The following CEP135 variants were observed in gnomAD, a reference collection of about 807,000 sequenced individuals.
CEP135 encodes centrosomal protein 135.
A neutral mutation model predicts 157.3 loss-of-function variants in CEP135; 142 were observed. That is an observed-to-expected ratio of 0.90 (90% CI 0.79 to 1.04). CEP135 has a LOEUF of 1.04. Among genes scored for constraint, CEP135 ranks in the 50% least tolerant of loss-of-function variants. The pLI is 0.00. For missense variants in CEP135, 1,317 were observed against 1,309.2 expected, an observed-to-expected ratio of 1.01 and a Z score of -0.09; for synonymous variants, 396 against 439.8, an observed-to-expected ratio of 0.90 and a Z score of 1.25.
At chr4:55,951,026 G>T (rs1465327618) in intron 1 of CEP135, among the ~76,000 whole-genome samples, 1 of 152,156 alleles carries the variant, frequency 6.6e-6, no homozygotes, top group East Asian at 1.9e-4. Flanking sequence ...GAGTCATACA[G>T]TATTTGTCTG....
At chr4:55,970,623 C>T (rs1729000737) in intron 9 of CEP135, among the ~76,000 whole-genome samples, 1 of 152,198 alleles carries the variant, frequency 6.6e-6, no homozygotes, top group African/African-American at 2.4e-5. Flanking sequence ...TGTCTCAGAA[C>T]TGTGACCAAG....
chr4:56,031,096 C>CTT (rs1362926723), intron 25 of CEP135, among the ~76,000 whole-genome samples: 1 of 152,004 alleles, frequency 6.6e-6, no homozygotes, highest in African/African-American at 2.4e-5. Context: ...CACGCCACTG[C>CTT]ACTCCAGCCT....
At chr4:55,998,622 T>C (rs1170336656) in intron 15 of CEP135, among the ~76,000 whole-genome samples, 1 of 152,214 alleles carries the variant, frequency 6.6e-6, no homozygotes, top group Non-Finnish European at 1.5e-5. Context: ...CCCAGCACTT[T>C]GGGAGACCGA....
chr4:55,974,873 A>T lies in CEP135; in HGVS notation c.1377A>T (p.Lys459Asn). The change falls in exon 11 of 26, where the codon AAA becomes AAT. Residue 459 changes from lysine (K) to asparagine (N), a missense_variant. Transcript: ENST00000257287. ...AAGAAGAACGAGATTATTATAAGAAAGAGCTAGAGAGACTCCAACATATAA... is the reference window on the plus strand; with the variant it reads ...AAGAAGAACGAGATTATTATAAGAATGAGCTAGAGAGACTCCAACATATAA... ...GIEEERDYYK[K>N]ELERLQHIIQ... 1 of 1,613,900 alleles carries T rather than the reference A, an allele frequency of 6.2e-7. No individual in the cohort carries two copies. The highest frequency in any genetic ancestry group is 8.5e-7 in the Non-Finnish European group (1 of 1,179,864).
At chr4:55,975,051 T>C (rs930927323) in intron 11 of CEP135, 82 bp downstream of exon 11, 38 of 994,826 alleles carry the variant, frequency 3.8e-5, no homozygotes, top group Non-Finnish European at 5.5e-5. Context: ...AAATGTAACT[T>C]TATTCGTACT....
intron 17 of CEP135, among the ~76,000 whole-genome samples, chr4:56,007,941 C>A (rs10017245): frequency 2.0e-5 from 3 of 152,152 alleles, no homozygotes; most frequent in Non-Finnish European, 4.4e-5. Context: ...GACTACACCA[C>A]CATTTTAGAC....
chr4:56,029,373 T>C (rs1397145064), intron 25 of CEP135, among the ~76,000 whole-genome samples: 1 of 152,184 alleles, frequency 6.6e-6, no homozygotes, highest in East Asian at 1.9e-4. Flanking sequence ...TCTCTAATCA[T>C]GCATTGGTCT....
intron 25 of CEP135, among the ~76,000 whole-genome samples, chr4:56,028,034 C>A (rs1052290471): frequency 1.3e-5 from 2 of 152,120 alleles, no homozygotes; most frequent in African/African-American, 4.8e-5. Flanking sequence ...TACATGTGTT[C>A]TTTTGTATCT....
chr4:55,965,458 T>C (rs1032020143), intron 7 of CEP135, 186 bp from the exon 8 acceptor site: 12 of 492,542 alleles, frequency 2.4e-5, no homozygotes, highest in Non-Finnish European at 3.6e-5. Flanking sequence ...TCAATGGATA[T>C]GTACTTTCAT....
intron 4 of CEP135, among the ~76,000 whole-genome samples, chr4:55,955,088 A>G (rs137998070): frequency 0.024 from 3,720 of 152,268 alleles, 67 homozygotes; most frequent in Admixed American, 0.06. Flanking sequence ...CTCAAAAAAA[A>G]AAAAAGAAAT....
chr4:56,014,503 T>C (rs1036383351), intron 21 of CEP135, among the ~76,000 whole-genome samples: 20 of 152,334 alleles, frequency 1.3e-4, no homozygotes, highest in Non-Finnish European at 1.3e-4. Flanking sequence ...TGGTGATGTC[T>C]CAGACAGAGT....
In CEP135 at chr4:55,995,304, C is replaced by T. The variant is rs544614723; in HGVS notation, c.2009+3219C>T. On this transcript the variant is annotated intron_variant, in intron 15 of 25. Transcript: ENST00000257287. ...TATTTTAGACTAAGCTTATCCAACC[C>T]ACCGTATTTTGTTGTTGTCTGTTTT... is the stretch of plus-strand genomic sequence containing the variant. 5.9e-5 allele frequency among the ~76,000 whole-genome samples: 9 copies of T among 152,244 alleles called. No homozygotes were observed. The South Asian group carries it at 1.9e-3, about 32-fold the overall frequency.
intron 17 of CEP135, among the ~76,000 whole-genome samples, chr4:56,005,535 G>A (rs922212020): frequency 6.6e-6 from 1 of 152,106 alleles, no homozygotes; most frequent in Non-Finnish European, 1.5e-5. Context: ...TTACAGATTT[G>A]TATATTGCCT....
At position 55,995,005 on chromosome 4, in the gene CEP135, A is replaced by G. The variant is rs567664105; in HGVS notation, c.2009+2920A>G. ...TGACCTAAGCATAGTTTAATTGTCC[A>G]AATAGAGAATCTTTTGTCTAGTTTC... is the stretch of plus-strand genomic sequence containing the variant. On this transcript the variant is annotated intron_variant, in intron 15 of 25. Transcript: ENST00000257287. Among the ~76,000 whole-genome samples, 9 of 152,310 alleles carry G rather than the reference A, an allele frequency of 5.9e-5. No individual in the cohort carries two copies. The South Asian group carries it at 6.2e-4, about 11-fold the overall frequency.
intron 17 of CEP135, among the ~76,000 whole-genome samples, chr4:56,003,822 G>T (rs1383409793): frequency 1.3e-5 from 2 of 151,772 alleles, no homozygotes; most frequent in Non-Finnish European, 2.9e-5. Context: ...TCAGACACAA[G>T]CAATCCTCCT....
chr4:55,982,962 A>G (rs1729461901), intron 13 of CEP135, among the ~76,000 whole-genome samples: 1 of 152,210 alleles, frequency 6.6e-6, no homozygotes, highest in Non-Finnish European at 1.5e-5. Context: ...ATTTGCAATC[A>G]GTATTATTGA....
chr4:56,002,189 A>T (rs969721114), intron 17 of CEP135, among the ~76,000 whole-genome samples: 1 of 152,092 alleles, frequency 6.6e-6, no homozygotes. Context: ...TGGTCTGCAT[A>T]TAAGGCTAAT....
At chr4:56,015,503 G>A (rs764524682) in intron 21 of CEP135, among the ~76,000 whole-genome samples, 11 of 152,338 alleles carry the variant, frequency 7.2e-5, no homozygotes, top group Non-Finnish European at 1.5e-4. Context: ...ACAGGGTGGG[G>A]CCCCCCTGGC....
At chr4:56,030,769 T>G (rs1190529594) in intron 25 of CEP135, among the ~76,000 whole-genome samples, 1 of 152,074 alleles carries the variant, frequency 6.6e-6, no homozygotes, top group Non-Finnish European at 1.5e-5. Flanking sequence ...TTTCTTGTTA[T>G]AATGCAGTAT....
Sources: gnomAD v4.1 joint callset for allele counts (sites outside exome capture counted in the v4.1 genomes callset) on GRCh38, gnomAD v4.1.1 for gene constraint, MANE v1.5 for transcripts, NCBI Gene and HGNC (gene_info 2026-07-23, HGNC 2026-07-21) for gene names.